NKTR: variants seen among roughly 807,000 people sequenced by gnomAD.
NKTR encodes natural killer cell triggering receptor.
Under a neutral mutation model 156.3 loss-of-function variants are expected in NKTR, and 67 were observed. The ratio of observed to expected loss-of-function variants is 0.43; its 90% CI spans 0.35 to 0.53. The LOEUF (loss-of-function observed/expected upper bound fraction) is 0.53. Ranked by LOEUF, NKTR falls within the 20% of genes least tolerant of loss-of-function variation. NKTR has a pLI of 0.01. For synonymous variants in NKTR, 640 were observed against 596.6 expected, an observed-to-expected ratio of 1.07 and a Z score of -1.06; for missense variants, 1,604 against 1,730.9, an observed-to-expected ratio of 0.93 and a Z score of 1.30.
intron 2 of NKTR, among the ~76,000 whole-genome samples, chr3:42,615,667 C>G (rs1707287511): frequency 6.6e-6 from 1 of 152,138 alleles, no homozygotes; most frequent in Non-Finnish European, 1.5e-5. Flanking sequence ...ATTATGTCTT[C>G]TATCCTGAAA....
intron 6 of NKTR, among the ~76,000 whole-genome samples, chr3:42,622,976 GCTT>G (rs1272993289): frequency 2.0e-5 from 3 of 151,864 alleles, no homozygotes; most frequent in African/African-American, 7.2e-5. Flanking sequence ...AGTAGCAGCA[GCTT>G]CTTGATATTG....
intron 3 of NKTR, among the ~76,000 whole-genome samples, chr3:42,618,705 A>T (rs1707632523): frequency 6.6e-6 from 1 of 152,096 alleles, no homozygotes; most frequent in Non-Finnish European, 1.5e-5. Context: ...CGGCCTCCCA[A>T]AATGTTGGGA....
chr3:42,604,659 C>CCT (rs1706021574), intron 2 of NKTR, among the ~76,000 whole-genome samples: 4 of 45,294 alleles, frequency 8.8e-5, no homozygotes, highest in Non-Finnish European at 1.6e-4. Flanking sequence ...TATTTCTCTC[C>CCT]TTTTTTTTTT....
rs981693130 is a variant in NKTR, at chr3:42,648,709, A to G, written c.*2734A>G. The G allele has an allele frequency of 6.6e-6, 1 of 152,642 alleles. No individual in the cohort carries two copies. The highest frequency in any genetic ancestry group is 2.4e-5 in the African/African-American group (1 of 41,450). 9.5% of individuals were successfully genotyped at this position (152,642 alleles called of 1,614,324 possible). On this transcript the variant is annotated 3_prime_UTR_variant, in exon 17 of 17. Coordinates refer to ENST00000232978, the MANE Select transcript of NKTR (RefSeq NM_005385.4). The stretch of plus-strand genomic sequence containing the variant: ...CCTAAAACTTGAAAGGGGACCTTGT[A>G]GAAATTAAAATATATACTTAGTCTA...
At chr3:42,632,506 A>T (rs1227534387) in intron 8 of NKTR, 95 bp from the exon 9 acceptor site, 2 of 742,354 alleles carry the variant, frequency 2.7e-6, no homozygotes, top group Non-Finnish European at 4.4e-6. Flanking sequence ...TGCTGTATGT[A>T]AAGCATATTT....
At chr3:42,632,904 A>G in intron 9 of NKTR, 81 bp downstream of exon 9, 1 of 1,329,048 alleles carries the variant, frequency 7.5e-7, no homozygotes, top group Non-Finnish European at 9.7e-7. Flanking sequence ...CTATAAACTC[A>G]ATTTTATTAC....
chr3:42,608,039 G>C (rs1706407928), intron 2 of NKTR, among the ~76,000 whole-genome samples: 1 of 119,112 alleles, frequency 8.4e-6, no homozygotes, highest in African/African-American at 3.3e-5. Flanking sequence ...ACCCAGGCTG[G>C]AGTGCAATGG....
intron 6 of NKTR, chr3:42,630,198 T>C (rs1388278189): frequency 6.6e-6 from 7 of 1,064,070 alleles, no homozygotes; most frequent in African/African-American, 1.7e-5. Context: ...GTTTTTTTTT[T>C]TAAGTGTTTT....
intron 2 of NKTR, among the ~76,000 whole-genome samples, chr3:42,612,829 T>C (rs1053779955): frequency 2.0e-5 from 3 of 152,132 alleles, no homozygotes; most frequent in Non-Finnish European, 4.4e-5. Flanking sequence ...GCCTGGATAC[T>C]AGGAGGCTTT....
intron 2 of NKTR, among the ~76,000 whole-genome samples, chr3:42,613,902 A>T (rs1707093140): frequency 6.6e-6 from 1 of 152,236 alleles, no homozygotes; most frequent in African/African-American, 2.4e-5. Flanking sequence ...TAAAAGCAAC[A>T]TACTAATGTT....
At chr3:42,601,932 C>CA (rs1418247885) in intron 2 of NKTR, 2 of 151,970 alleles carry the variant, frequency 1.3e-5, no homozygotes, top group African/African-American at 4.8e-5. Flanking sequence ...GGGGGGAAGA[C>CA]GGACAACTAG....
At position 42,632,614 on chromosome 3, in the gene NKTR, A is replaced by G. The variant is rs777308437; in HGVS notation, c.564A>G (p.Lys188=). ...TKSIKDVFEK[K]RKKPTHSEGS... The stretch of plus-strand genomic sequence containing the variant: ...GTTTCTTAAAAGTTTTTGAGAAAAA[A>G]AGGAAGAAACCAACTCATTCAGAAG... Residue 188 remains lysine (K), a synonymous_variant, in exon 9 of 17, where the codon AAA becomes AAG. Transcript: ENST00000232978. 3 of 1,599,038 alleles carry G rather than the reference A, an allele frequency of 1.9e-6. No homozygotes were observed. Among genetic ancestry groups the G allele is most frequent in the Non-Finnish European group, 2.6e-6 (3 of 1,175,482 alleles).
At chr3:42,619,896 A>G (rs1707748118) in intron 5 of NKTR, 188 bp downstream of exon 5, 3 of 1,413,886 alleles carry the variant, frequency 2.1e-6, no homozygotes, top group East Asian at 5.2e-5. Flanking sequence ...TTAATTGACA[A>G]GATTAATTAA....
At chr3:42,632,061 C>CTTTTTTTTTT (rs564114469) in intron 8 of NKTR, among the ~76,000 whole-genome samples, 2 of 86,496 alleles carry the variant, frequency 2.3e-5, no homozygotes, top group African/African-American at 9.8e-5. Context: ...TTATGCAATT[C>CTTTTTTTTTT]TTTTTTTTTT....
At chr3:42,607,829 G>A (rs1215272096) in intron 2 of NKTR, among the ~76,000 whole-genome samples, 1 of 151,940 alleles carries the variant, frequency 6.6e-6, no homozygotes, top group Non-Finnish European at 1.5e-5. Context: ...ATTCTTCAAA[G>A]CCAACTAAGT....
At chr3:42,629,469 T>TA (rs1466363492) in intron 6 of NKTR, 1 of 962,900 alleles carries the variant, frequency 1.0e-6, no homozygotes, top group Non-Finnish European at 1.2e-6. Context: ...TTAGCATTGT[T>TA]ACGAAGGTTA....
chr3:42,620,211 T>A, intron 5 of NKTR: 1 of 1,276,368 alleles, frequency 7.8e-7, no homozygotes. Flanking sequence ...TTTTTTCATT[T>A]CCCAATGGGT....
At chr3:42,627,750 T>C (rs1192237202) in intron 6 of NKTR, 4 of 983,428 alleles carry the variant, frequency 4.1e-6, no homozygotes, top group Non-Finnish European at 4.8e-6. Flanking sequence ...TTCTTTGTGG[T>C]TTTTTCTTTT....
chr3:42,624,252 C>G (rs775462623), intron 6 of NKTR, among the ~76,000 whole-genome samples: 3 of 151,028 alleles, frequency 2.0e-5, no homozygotes, highest in Non-Finnish European at 4.4e-5. Flanking sequence ...TCTCGGGGGT[C>G]TATATAGAAG....
Sources: allele counts gnomAD v4.1 joint callset (sites outside exome capture counted in the v4.1 genomes callset), GRCh38; gene constraint gnomAD v4.1.1; transcripts MANE v1.5; gene names NCBI Gene and HGNC (gene_info 2026-07-23, HGNC 2026-07-21).